Variants in TBCD observed in about 807,000 individuals in gnomAD.
The protein encoded by TBCD is tubulin folding cofactor D.
TBCD carries 105 observed loss-of-function variants against 169.3 expected under a neutral mutation model. The observed-to-expected ratio is 0.62, with a 90% CI of 0.53 to 0.73. TBCD has a LOEUF of 0.73. Among genes scored for constraint, TBCD ranks in the 30% least tolerant of loss-of-function variants. TBCD has a pLI of 0.00. For synonymous variants in TBCD, 700 were observed against 643.9 expected, an observed-to-expected ratio of 1.09 and a Z score of -1.32; for missense variants, 1,444 against 1,600.1, an observed-to-expected ratio of 0.90 and a Z score of 1.66.
chr17:82,827,947 TTGAA>T (rs1224435321), intron 13 of TBCD, among the ~76,000 whole-genome samples: 1 of 138,524 alleles, frequency 7.2e-6, no homozygotes, highest in Non-Finnish European at 1.5e-5. Flanking sequence ...ACCCACACGA[TTGAA>T]TGTGCATACA....
Position 82,766,291 on chromosome 17 carries a change from C to G in TBCD, c.358C>G (p.Arg120Gly). The G allele has an allele frequency of 6.2e-7, 1 of 1,612,380 alleles. No homozygotes were observed. The highest frequency in any genetic ancestry group is 2.2e-5 in the East Asian group (1 of 44,862). The part of the protein sequence containing the change: ...TKVRGYKTFL[R>G]LFPHEVADVE... ...GGTTCGAGGCTATAAAACATTTCTT[C>G]GTTTATTTCCTCATGAAGTTGCCGA... The change falls in exon 4 of 39, where the codon CGT (arginine) becomes GGT (glycine). Residue 120 changes from arginine (R) to glycine (G), a missense_variant. By Grantham distance (125) the Arg-to-Gly change is moderately radical. Transcript: ENST00000355528.
chr17:82,762,606 G>A (rs570536819), intron 2 of TBCD, among the ~76,000 whole-genome samples: 3 of 151,844 alleles, frequency 2.0e-5, no homozygotes, highest in East Asian at 2.0e-4. Context: ...AAAATTAGCC[G>A]GGTGTGGTGG....
intron 13 of TBCD, among the ~76,000 whole-genome samples, chr17:82,823,160 C>G (rs574215801): frequency 6.6e-6 from 1 of 152,340 alleles, no homozygotes; most frequent in East Asian, 1.9e-4. Context: ...CCTGGTAGAG[C>G]CGTTGGGGCT....
intron 12 of TBCD, among the ~76,000 whole-genome samples, chr17:82,813,854 T>C (rs2051650111): frequency 1.3e-5 from 2 of 152,196 alleles, no homozygotes; most frequent in Non-Finnish European, 2.9e-5. Flanking sequence ...TGGTGGACGC[T>C]GGTGTCTGTC....
At chr17:82,784,289 G>A (rs2049148513) in intron 7 of TBCD, among the ~76,000 whole-genome samples, 1 of 152,198 alleles carries the variant, frequency 6.6e-6, no homozygotes, top group South Asian at 2.1e-4. Context: ...TGATGAAATA[G>A]AGGACCTCCT....
Position 82,752,188 on chromosome 17 carries a change from G to A in TBCD, c.-6G>A, listed in dbSNP as rs1054156998. The A allele has an allele frequency of 1.5e-5, 23 of 1,515,828 alleles. No individual in the cohort carries two copies. The highest frequency in any genetic ancestry group is 2.1e-5 in the Admixed American group (1 of 47,348). The allele number at this position is 1,515,828 out of a possible 1,614,324, so 93.9% of individuals were successfully genotyped here. A position where few individuals can be genotyped will look rare whatever the true frequency, so the allele number is the denominator to read the frequency against. On this transcript the variant is annotated 5_prime_UTR_variant, in exon 1 of 39. Coordinates refer to ENST00000355528, the MANE Select transcript of TBCD (RefSeq NM_005993.5). ...GAGGCGGGGGCGCGGTCCCCAGGCT[G>A]CCGAGATGGCCCTGAGCGACGAACC...
chr17:82,807,688 GA>G lies in TBCD; in HGVS notation c.1148+22del, dbSNP rs759133768. 2.7e-6 allele frequency: 4 copies of G among 1,455,082 alleles called. No homozygotes were observed. The highest frequency in any genetic ancestry group is 3.7e-6 in the Non-Finnish European group (4 of 1,095,814). 90.1% of individuals were successfully genotyped at this position (1,455,082 alleles called of 1,614,324 possible). ...CAAGGGGTAGGTGTCTGTGGCCGCA[GA>G]AGCACCCCGGGGGGTGGGCCGGCCT... is the stretch of plus-strand genomic sequence containing the variant. On this transcript the variant is annotated intron_variant, in intron 11 of 38. Transcript: ENST00000355528.
At chr17:82,904,408 C>A (rs112879237) in intron 19 of TBCD, among the ~76,000 whole-genome samples, 1 of 152,208 alleles carries the variant, frequency 6.6e-6, no homozygotes. Flanking sequence ...ACCTGCCACA[C>A]GTGAATGCAC....
intron 7 of TBCD, among the ~76,000 whole-genome samples, chr17:82,783,651 G>C (rs2049102447): frequency 6.6e-6 from 1 of 152,208 alleles, no homozygotes. Context: ...TGTGTCCAAG[G>C]TTCATCTGCG....
intron 15 of TBCD, among the ~76,000 whole-genome samples, chr17:82,888,001 ATTTGCGTTTGGC>A (rs1338505268): frequency 6.6e-6 from 1 of 151,828 alleles, no homozygotes; most frequent in Non-Finnish European, 1.5e-5. Context: ...CCTCTGTTGG[ATTTGCGTTTGGC>A]TTTCTCCCAG....
At chr17:82,842,728 C>A (rs2054622258) in intron 13 of TBCD, among the ~76,000 whole-genome samples, 2 of 151,780 alleles carry the variant, frequency 1.3e-5, no homozygotes, top group South Asian at 4.2e-4. Flanking sequence ...AATTTCAGGC[C>A]AGAAATCATT....
intron 23 of TBCD, among the ~76,000 whole-genome samples, chr17:82,914,615 T>A (rs1340616683): frequency 6.6e-6 from 1 of 151,786 alleles, no homozygotes; most frequent in Non-Finnish European, 1.5e-5. Context: ...CTGCCCATGC[T>A]GCCCACGCCC....
At chr17:82,894,617 G>A (rs1047734975) in intron 17 of TBCD, among the ~76,000 whole-genome samples, 2 of 152,096 alleles carry the variant, frequency 1.3e-5, no homozygotes, top group Non-Finnish European at 2.9e-5. Flanking sequence ...TACCCTTTCA[G>A]GTTTCCTCAA....
chr17:82,907,632 C>A, intron 20 of TBCD, 129 bp from the exon 21 acceptor site: 1 of 969,692 alleles, frequency 1.0e-6, no homozygotes, highest in Non-Finnish European at 1.6e-6. Context: ...TGAGACCTTG[C>A]TGAGCCTATG....
At chr17:82,843,166 A>T (rs754589063) in intron 13 of TBCD, among the ~76,000 whole-genome samples, 3 of 152,004 alleles carry the variant, frequency 2.0e-5, no homozygotes, top group Non-Finnish European at 4.4e-5. Flanking sequence ...CTCTCTTAAC[A>T]TTTTAGTGTG....
At chr17:82,841,904 C>T (rs1466911921) in intron 13 of TBCD, among the ~76,000 whole-genome samples, 1 of 152,198 alleles carries the variant, frequency 6.6e-6, no homozygotes, top group Non-Finnish European at 1.5e-5. Context: ...ACCTCATCCT[C>T]ACTTAGTAGC....
chr17:82,830,930 C>T (rs548457879), intron 13 of TBCD: 2 of 1,613,158 alleles, frequency 1.2e-6, no homozygotes, highest in South Asian at 1.1e-5. Flanking sequence ...AAAGCAACTG[C>T]GTGAAGCAGT....
intron 9 of TBCD, 81 bp downstream of exon 9, chr17:82,801,077 G>T: frequency 7.0e-7 from 1 of 1,430,586 alleles, no homozygotes; most frequent in Non-Finnish European, 9.3e-7. Context: ...CATTGATGAG[G>T]GCGGGGCAGG....
At chr17:82,812,682 T>C (rs2051541381) in intron 12 of TBCD, among the ~76,000 whole-genome samples, 1 of 152,230 alleles carries the variant, frequency 6.6e-6, no homozygotes, top group African/African-American at 2.4e-5. Context: ...TAGCTGGGAC[T>C]ACAGGCGTGC....
Sources: gnomAD v4.1 joint callset for allele counts (sites outside exome capture counted in the v4.1 genomes callset) on GRCh38, gnomAD v4.1.1 for gene constraint, MANE v1.5 for transcripts, NCBI Gene and HGNC (gene_info 2026-07-23, HGNC 2026-07-21) for gene names.